Variants in RPH3A observed in about 807,000 individuals in gnomAD.
RPH3A encodes the protein rabphilin 3A, also known as rabphilin-3A.
RPH3A carries 48 observed loss-of-function variants against 102.2 expected under a neutral mutation model. That is an observed-to-expected ratio of 0.47 (90% CI 0.37 to 0.60). The LOEUF (loss-of-function observed/expected upper bound fraction) is 0.60. Among genes scored for constraint, RPH3A ranks in the 20% least tolerant of loss-of-function variants. RPH3A has a pLI of 0.00. For synonymous variants in RPH3A, 310 were observed against 324.3 expected (o/e 0.96, Z 0.47); for missense variants, 781 against 910.1 (o/e 0.86, Z 1.83).
intron 1 of RPH3A, among the ~76,000 whole-genome samples, chr12:112,739,545 G>A (rs1449258133): frequency 6.6e-6 from 1 of 152,200 alleles, no homozygotes; most frequent in Non-Finnish European, 1.5e-5. Context: ...GGAATGACAG[G>A]TGTCACCTTG....
intron 1 of RPH3A, among the ~76,000 whole-genome samples, chr12:112,601,198 C>T (rs188139618): frequency 2.0e-5 from 3 of 152,304 alleles, no homozygotes; most frequent in East Asian, 3.9e-4. Flanking sequence ...TAATGCAAAA[C>T]TCCTAGCCTG....
intron 5 of RPH3A, among the ~76,000 whole-genome samples, chr12:112,853,640 C>A (rs796232663): frequency 8.4e-4 from 128 of 152,134 alleles, no homozygotes; most frequent in African/African-American, 3.0e-3. Context: ...ACCAGCCTGG[C>A]CAACATGGTG....
chr12:112,634,711 C>T (rs1240661563), intron 1 of RPH3A, among the ~76,000 whole-genome samples: 2 of 152,114 alleles, frequency 1.3e-5, no homozygotes, highest in African/African-American at 2.4e-5. Context: ...AATTTGGGGG[C>T]ACAGCATTAC....
In RPH3A at chr12:112,755,300, C is replaced by T. The variant is rs201018022; in HGVS notation, c.-139-36843C>T. ...AAAATTGAATATATATATGTATATA[C>T]ACACACACACACACACACACACACA... On this transcript the variant is annotated intron_variant, in intron 1 of 21. Transcript: ENST00000543106. Among the ~76,000 whole-genome samples, 276 of 10,356 alleles carry T rather than the reference C, an allele frequency of 0.027. 1 individual carries two copies. The South Asian group carries it at 0.27, about 10-fold the overall frequency. The allele number at this position is 10,356 out of a possible 152,430, so 6.8% of individuals were successfully genotyped here. A position where few individuals can be genotyped will look rare whatever the true frequency, so the allele number is the denominator to read the frequency against.
intron 1 of RPH3A, among the ~76,000 whole-genome samples, chr12:112,701,713 GT>G (rs1325266424): frequency 6.6e-6 from 1 of 152,200 alleles, no homozygotes; most frequent in Non-Finnish European, 1.5e-5. Context: ...TGACTGGTCT[GT>G]GGTTCAAGGC....
intron 3 of RPH3A, among the ~76,000 whole-genome samples, chr12:112,829,722 C>T (rs1417977329): frequency 6.6e-6 from 1 of 152,102 alleles, no homozygotes; most frequent in East Asian, 1.9e-4. Context: ...AAAATGTAAA[C>T]ACTCATTTAA....
intron 1 of RPH3A, among the ~76,000 whole-genome samples, chr12:112,622,156 C>T (rs1452492385): frequency 4.8e-5 from 6 of 126,290 alleles, no homozygotes; most frequent in Non-Finnish European, 9.5e-5. Context: ...AGCGCCTCTC[C>T]TCCTCCAAAG....
intron 1 of RPH3A, among the ~76,000 whole-genome samples, chr12:112,766,276 C>T (rs978860215): frequency 6.6e-6 from 1 of 152,140 alleles, no homozygotes; most frequent in African/African-American, 2.4e-5. Flanking sequence ...GAACTTAGAA[C>T]AGTAATAGCA....
chr12:112,698,134 G>A (rs1002648117), intron 1 of RPH3A, among the ~76,000 whole-genome samples: 1 of 152,132 alleles, frequency 6.6e-6, no homozygotes, highest in Non-Finnish European at 1.5e-5. Context: ...TTTAACAAAG[G>A]TGCCAAGACA....
chr12:112,656,194 C>T (rs972898114), intron 1 of RPH3A, among the ~76,000 whole-genome samples: 2 of 152,186 alleles, frequency 1.3e-5, no homozygotes, highest in Non-Finnish European at 2.9e-5. Context: ...TGCTTTACAG[C>T]AAACTTTTCT....
chr12:112,656,749 A>C (rs2040015077), intron 1 of RPH3A, among the ~76,000 whole-genome samples: 1 of 151,902 alleles, frequency 6.6e-6, no homozygotes, highest in Non-Finnish European at 1.5e-5. Context: ...GAAAGACATG[A>C]TTTCATACTT....
At chr12:112,575,553 C>T (rs2039352575) in intron 1 of RPH3A, among the ~76,000 whole-genome samples, 1 of 151,850 alleles carries the variant, frequency 6.6e-6, no homozygotes, top group Non-Finnish European at 1.5e-5. Flanking sequence ...TTTTGAGGGG[C>T]GGGTCCGGCA....
At chr12:112,593,486 A>G (rs189532405) in intron 1 of RPH3A, among the ~76,000 whole-genome samples, 1 of 152,340 alleles carries the variant, frequency 6.6e-6, no homozygotes, top group East Asian at 1.9e-4. Context: ...TACATTCTCT[A>G]TTAGAATTGA....
chr12:112,860,965 G>A (rs1364671252), intron 5 of RPH3A, among the ~76,000 whole-genome samples: 1 of 152,232 alleles, frequency 6.6e-6, no homozygotes, highest in Admixed American at 6.5e-5. Context: ...GCATCCTGAT[G>A]TTTAACAGCT....
chr12:112,628,652 C>T (rs912432907), intron 1 of RPH3A, among the ~76,000 whole-genome samples: 11 of 134,230 alleles, frequency 8.2e-5, no homozygotes, highest in Admixed American at 3.2e-4. Flanking sequence ...CCCAGCTACT[C>T]AAGGCAGGAG....
chr12:112,653,591 A>G (rs2039991631), intron 1 of RPH3A, among the ~76,000 whole-genome samples: 1 of 152,074 alleles, frequency 6.6e-6, no homozygotes, highest in African/African-American at 2.4e-5. Flanking sequence ...TCTTTCTTCA[A>G]TAATAAATTA....
intron 7 of RPH3A, chr12:112,868,175 A>G: frequency 2.2e-6 from 1 of 445,018 alleles, no homozygotes; most frequent in African/African-American, 1.9e-5. Flanking sequence ...AGTCCTTAAG[A>G]TTTTGGATAT....
At chr12:112,851,265 G>A (rs4767019) in intron 5 of RPH3A, among the ~76,000 whole-genome samples, 69,592 of 151,982 alleles carry the variant, frequency 0.46, 16,300 homozygotes, top group East Asian at 0.58. Context: ...GCCCAAGGTC[G>A]TATGCAGGCA....
chr12:112,881,741 G>GC, intron 14 of RPH3A, 31 bp from the exon 15 acceptor site: 1 of 1,559,012 alleles, frequency 6.4e-7, no homozygotes, highest in Non-Finnish European at 8.8e-7. Context: ...CCCTCCTGAG[G>GC]CCCTCACACC....
Sources: gnomAD v4.1 joint callset for allele counts (sites outside exome capture counted in the v4.1 genomes callset) on GRCh38, gnomAD v4.1.1 for gene constraint, MANE v1.5 for transcripts, NCBI Gene and HGNC (gene_info 2026-07-23, HGNC 2026-07-21) for gene names.